LPA: variants seen among roughly 807,000 people sequenced by gnomAD.
LPA encodes the protein lipoprotein(a).
In LPA, 199 loss-of-function variants were observed where a neutral mutation model predicts 197.9. That is an observed-to-expected ratio of 1.01 (90% CI 0.90 to 1.13). The LOEUF is 1.13. LPA is among the 50% of genes most tolerant of loss of function. LPA has a pLI of 0.00. For synonymous variants in LPA, 715 were observed against 639.5 expected (o/e 1.12, Z -1.78); for missense variants, 1,853 against 1,785.8 (o/e 1.04, Z -0.68).
chr6:160,577,236 G>T lies in LPA; in HGVS notation c.4531C>A (p.Arg1511=), dbSNP rs770568866. 3 of 1,613,732 alleles carry T rather than the reference G, an allele frequency of 1.9e-6. No homozygotes were observed. In the African/African-American group the frequency reaches 4.0e-5, roughly 22 times the overall value. ...GTGACAGTGGTGGAGGATATGCCTC[G>T]ATAACTCCGTCCATCACCATGGTAG... is the stretch of plus-strand genomic sequence containing the variant. The part of the protein sequence containing the change: ...DCYHGDGRSY[R]GISSTTVTGR... Residue 1511 remains arginine (R), a synonymous_variant, in exon 28 of 39, where the codon CGA becomes AGA. Coordinates refer to ENST00000316300, the MANE Select transcript of LPA (RefSeq NM_005577.4).
chr6:160,589,840 G>T, intron 23 of LPA, 128 bp from the exon 24 acceptor site: 1 of 1,036,448 alleles, frequency 9.6e-7, no homozygotes, highest in Non-Finnish European at 1.5e-6. Flanking sequence ...TACATTAGTA[G>T]GCAGATGGAC....
chr6:160,598,291 T>C (rs1475620280), intron 20 of LPA, among the ~76,000 whole-genome samples: 4 of 152,224 alleles, frequency 2.6e-5, no homozygotes, highest in Non-Finnish European at 5.9e-5. Flanking sequence ...GAGACTTCTA[T>C]GCCTGGAGCT....
At chr6:160,576,431 T>TACAC (rs1554234399) in intron 28 of LPA, among the ~76,000 whole-genome samples, 1 of 131,620 alleles carries the variant, frequency 7.6e-6, no homozygotes, top group African/African-American at 2.9e-5. Context: ...TATATATATA[T>TACAC]ACACACATGC....
chr6:160,548,652 T>G lies in LPA; in HGVS notation c.4981A>C (p.Thr1661Pro). Residue 1661 changes from threonine (T) to proline (P), a missense_variant, in exon 31 of 39, where the codon ACA (threonine) becomes CCA (proline). Physicochemically the swap from Thr to Pro is conservative, Grantham distance 38. This residue lies in a region of LPA where 1,737 missense variants were observed against 1,504.4 expected (regional missense o/e 1.15). Coordinates refer to ENST00000316300, the MANE Select transcript of LPA (RefSeq NM_005577.4). ...TCTGGATTCCTGCAGTAGTTCATTG[T>G]CAGGCCACTGGAAATTCCAAAGCAA... ...TPENYPNDGL[T>P]MNYCRNPDAD... The G allele has an allele frequency of 6.2e-7, 1 of 1,614,036 alleles. No individual in the cohort carries two copies. The highest frequency in any genetic ancestry group is 1.7e-5 in the Admixed American group (1 of 60,016).
rs760163996 is a variant in LPA at position 160,542,749 on chromosome 6, T to C, written c.5458A>G (p.Ile1820Val). ...GGGTGGGCCACACACCCCCCTACAA[T>C]GCTTCCAGGACATTTCTTCGGCTCC... ...QVEPKKCPGSIVGGCVAHPHS... is the reference protein window; with the variant it reads ...QVEPKKCPGSVVGGCVAHPHS... Residue 1820 changes from isoleucine (I) to valine (V), a missense_variant, in exon 34 of 39, where the codon ATT (isoleucine) becomes GTT (valine). Ile to Val is a conservative substitution (Grantham distance 29, BLOSUM62 3). Around this residue, in one of 3 missense-constraint regions of LPA, gnomAD observed 1,737 missense variants for 1,504.4 expected, o/e 1.15. Coordinates refer to ENST00000316300, the MANE Select transcript of LPA (RefSeq NM_005577.4). The C allele has an allele frequency of 1.6e-4, 251 of 1,613,992 alleles. No homozygotes were observed. The highest frequency in any genetic ancestry group is 2.1e-4 in the Non-Finnish European group (242 of 1,179,990).
chr6:160,606,165 C>T (rs41270976), intron 17 of LPA, among the ~76,000 whole-genome samples: 2,469 of 152,304 alleles, frequency 0.016, 66 homozygotes, highest in African/African-American at 0.057. Context: ...AAGAGTCACA[C>T]ATCTGACAGC....
intron 1 of LPA, among the ~76,000 whole-genome samples, chr6:160,662,676 C>T (rs1218883848): frequency 1.3e-5 from 2 of 152,166 alleles, no homozygotes; most frequent in Non-Finnish European, 2.9e-5. Context: ...GACATAGACA[C>T]CAATTTCCCC....
At chr6:160,607,365 A>T (rs560316522) in intron 16 of LPA, among the ~76,000 whole-genome samples, 1 of 152,086 alleles carries the variant, frequency 6.6e-6, no homozygotes, top group African/African-American at 2.4e-5. Context: ...CCTGGGCAGG[A>T]CCTTCTCTCC....
rs138117338 is a variant in LPA at position 160,547,438 on chromosome 6, C to T, written c.5304+351G>A. ...ACAGATGAAGCTTTGTTTGCTCCCC[C>T]GAAGCTCACCTCCTGCTGTGCAGCC... On this transcript the variant is annotated intron_variant, in intron 32 of 38. Coordinates refer to ENST00000316300, the MANE Select transcript of LPA (RefSeq NM_005577.4). 2.4e-3 allele frequency among the ~76,000 whole-genome samples: 359 copies of T among 152,254 alleles called. 1 individual carries two copies. Among genetic ancestry groups the T allele is most frequent in the African/African-American group, 8.2e-3 (342 of 41,534 alleles).
chr6:160,586,348 G>A (rs914872769), intron 25 of LPA, 101 bp downstream of exon 25: 90 of 1,392,558 alleles, frequency 6.5e-5, no homozygotes, highest in Middle Eastern at 1.9e-4. Context: ...CTTCACCTTC[G>A]ACTTCCTGTG....
intron 17 of LPA, 25 bp downstream of exon 17, chr6:160,606,452 A>C: frequency 6.2e-7 from 1 of 1,612,630 alleles, no homozygotes; most frequent in South Asian, 1.1e-5. Flanking sequence ...CGAAACGTGT[A>C]GGTTTCTGGC....
At chr6:160,552,907 T>C (rs1778189317) in intron 30 of LPA, among the ~76,000 whole-genome samples, 1 of 152,232 alleles carries the variant, frequency 6.6e-6, no homozygotes, top group South Asian at 2.1e-4. Context: ...ATCTTTTATA[T>C]TCTTTATTCC....
Position 160,652,473 on chromosome 6 carries a change from T to TA in LPA, c.50-1977dup, listed in dbSNP as rs747791481. On this transcript the variant is annotated intron_variant, in intron 1 of 38. Coordinates refer to ENST00000316300, the MANE Select transcript of LPA (RefSeq NM_005577.4). ...TCACTTTTAAAAACTGAAGGCAAAA[T>TA]AAAGACTTCTTCAGACAAAGAAAAG... Among the ~76,000 whole-genome samples the TA allele has an allele frequency of 1.6e-4, 25 of 151,970 alleles. 1 individual carries two copies. The highest frequency in any genetic ancestry group is 8.3e-4 in the South Asian group (4 of 4,822).
intron 30 of LPA, among the ~76,000 whole-genome samples, chr6:160,550,428 A>C (rs1177182356): frequency 1.3e-5 from 2 of 152,192 alleles, no homozygotes; most frequent in African/African-American, 4.8e-5. Flanking sequence ...CATGTGACCC[A>C]GTCTCAAGCC....
chr6:160,584,175 T>C (rs779527564), intron 26 of LPA, among the ~76,000 whole-genome samples: 1 of 28,120 alleles, frequency 3.6e-5, no homozygotes, highest in East Asian at 1.3e-3. Context: ...TCTATTTTCT[T>C]CTTCTTCTTC....
At chr6:160,585,577 G>A (rs1279781750) in intron 25 of LPA, among the ~76,000 whole-genome samples, 1 of 152,054 alleles carries the variant, frequency 6.6e-6, no homozygotes, top group Non-Finnish European at 1.5e-5. Flanking sequence ...GGCTATAGGT[G>A]GTGATTGGCT....
rs1248990848 is a variant in LPA, at chr6:160,537,889, A to G, written c.5808T>C (p.Thr1936=). The change falls in exon 37 of 39, where the codon ACT becomes ACC. Residue 1936 remains threonine, a synonymous_variant. Coordinates refer to ENST00000316300, the MANE Select transcript of LPA (RefSeq NM_005577.4). Reference sequence around the variant, plus strand: ...CTCCCCAGCCAGTGATGTAACATTCAGTCCTGGCGGTGACCATGTAGTCTG... The same window carrying G: ...CTCCCCAGCCAGTGATGTAACATTCGGTCCTGGCGGTGACCATGTAGTCTG... ...PSPDYMVTAR[T]ECYITGWGET... is the part of the protein sequence containing the mutation. 3.7e-6 allele frequency: 6 copies of G among 1,614,232 alleles called. No individual in the cohort carries two copies. In the East Asian group the frequency reaches 8.9e-5, roughly 24 times the overall value.
chr6:160,590,447 C>T (rs1779004309), intron 23 of LPA, among the ~76,000 whole-genome samples: 2 of 152,172 alleles, frequency 1.3e-5, no homozygotes, highest in South Asian at 4.1e-4. Flanking sequence ...AGAGCATTTG[C>T]TGGCTATGTA....
chr6:160,565,242 C>A (rs1424154786), intron 28 of LPA, among the ~76,000 whole-genome samples: 1 of 152,146 alleles, frequency 6.6e-6, no homozygotes, highest in African/African-American at 2.4e-5. Context: ...GGTCCGTGAC[C>A]CCCGAGTAGC....
Sources: gnomAD v4.1 joint callset for allele counts (sites outside exome capture counted in the v4.1 genomes callset) on GRCh38, gnomAD v4.1.1 for gene constraint, gnomAD v4.1.1 regional missense constraint, MANE v1.5 for transcripts, NCBI Gene and HGNC (gene_info 2026-07-23, HGNC 2026-07-21) for gene names.